The following SLC22A25 variants were observed in gnomAD, a reference collection of about 807,000 sequenced individuals.
SLC22A25 encodes solute carrier family 22 member 25.
A neutral mutation model predicts 45.9 loss-of-function variants in SLC22A25; 44 were observed. The ratio of observed to expected loss-of-function variants is 0.96; its 90% CI spans 0.75 to 1.23. The LOEUF is 1.23. Ranked by LOEUF, SLC22A25 falls within the 50% of genes most tolerant of loss-of-function variation. The pLI is 0.00. For synonymous variants in SLC22A25, 283 were observed against 238.6 expected (o/e 1.19, Z -1.72); for missense variants, 800 against 666.4 (o/e 1.20, Z -2.21).
intron 1 of SLC22A25, chr11:63,242,964 T>A (rs965474454): frequency 6.5e-6 from 1 of 154,950 alleles, no homozygotes; most frequent in Non-Finnish European, 1.4e-5. Context: ...AAACCCCCTA[T>A]TGAGCCAAAG....
At chr11:63,184,376 C>G (rs182884599) in intron 7 of SLC22A25, among the ~76,000 whole-genome samples, 1 of 152,028 alleles carries the variant, frequency 6.6e-6, no homozygotes, top group African/African-American at 2.4e-5. Flanking sequence ...AATGGATGAG[C>G]CTGACAAGGA....
chr11:63,227,872 T>G (rs2134837095), intron 5 of SLC22A25, among the ~76,000 whole-genome samples: 1 of 152,328 alleles, frequency 6.6e-6, no homozygotes, highest in Non-Finnish European at 1.5e-5. Flanking sequence ...GTCTAAATGC[T>G]TCCTTCATGA....
intron 9 of SLC22A25, among the ~76,000 whole-genome samples, chr11:63,171,128 T>C (rs1177144219): frequency 2.6e-5 from 4 of 151,944 alleles, no homozygotes; most frequent in African/African-American, 9.7e-5. Context: ...CATGGTAAAC[T>C]ACTCAATAAA....
At position 63,162,492 on chromosome 11, in the gene SLC22A25, T is replaced by G. The variant is rs1324831033; in HGVS notation, c.*1332A>C. Among the ~76,000 whole-genome samples the G allele has an allele frequency of 6.6e-6, 1 of 152,180 alleles. No individual in the cohort carries two copies. Among genetic ancestry groups the G allele is most frequent in the Non-Finnish European group, 1.5e-5 (1 of 68,028 alleles). On this transcript the variant is annotated 3_prime_UTR_variant, in exon 12 of 12. Transcript: ENST00000306494. ...ATTCTTCTGCATATGGATATCCAGT[T>G]TTGGAACTATTTTTTATGTTCTTAT...
chr11:63,194,065 T>G (rs2088913321), intron 7 of SLC22A25, among the ~76,000 whole-genome samples: 1 of 152,116 alleles, frequency 6.6e-6, no homozygotes, highest in South Asian at 2.1e-4. Flanking sequence ...AGGGTATCAG[T>G]GATTGAAGAA....
At chr11:63,178,250 G>A (rs2088189596) in intron 9 of SLC22A25, among the ~76,000 whole-genome samples, 1 of 151,782 alleles carries the variant, frequency 6.6e-6, no homozygotes, top group African/African-American at 2.4e-5. Context: ...ACCATATCTT[G>A]GCTTTTGGGA....
In SLC22A25 at chr11:63,211,987, C is replaced by A. The variant is rs1345174297; in HGVS notation, c.830+5327G>T. On this transcript the variant is annotated intron_variant, in intron 7 of 11. Coordinates refer to ENST00000306494, the MANE Select transcript of SLC22A25 (RefSeq NM_199352.6). Reference sequence around the variant, plus strand: ...AATTTACAAGAAAAAAACAAACAACCCCATCAAAAAGTGGGCGAAGGATAT... The same window carrying A: ...AATTTACAAGAAAAAAACAAACAACACCATCAAAAAGTGGGCGAAGGATAT... Among the ~76,000 whole-genome samples the A allele has an allele frequency of 3.3e-5, 5 of 151,854 alleles. 1 individual carries two copies. Among genetic ancestry groups the A allele is most frequent in the East Asian group, 3.9e-4 (2 of 5,192 alleles).
chr11:63,192,448 A>G (rs2088849904), intron 7 of SLC22A25, among the ~76,000 whole-genome samples: 1 of 152,228 alleles, frequency 6.6e-6, no homozygotes, highest in South Asian at 2.1e-4. Context: ...AAAAATGATC[A>G]GTTAGCATCA....
In SLC22A25 at chr11:63,183,775, T is replaced by C; in HGVS notation, c.873A>G (p.Lys291=). 1.2e-6 allele frequency: 2 copies of C among 1,613,202 alleles called. No homozygotes were observed. Among genetic ancestry groups the C allele is most frequent in the Non-Finnish European group, 8.5e-7 (1 of 1,179,402 alleles). The part of the protein sequence containing the change: ...ESARWLIINN[K]PEEGLKELRK... ...TAAGTTCCTTTAAGCCCTCTTCTGG[T>C]TTGTTGTTGATAATGAGCCACCGAG... Residue 291 remains lysine, a synonymous_variant, in exon 8 of 12, where the codon AAA becomes AAG. Transcript: ENST00000306494.
At chr11:63,200,298 T>G (rs111317333) in intron 7 of SLC22A25, among the ~76,000 whole-genome samples, 16 of 148,714 alleles carry the variant, frequency 1.1e-4, no homozygotes, top group African/African-American at 4.0e-4. Flanking sequence ...ATTGAAAAGC[T>G]TATCCAGCAT....
chr11:63,195,254 C>CTAA, intron 7 of SLC22A25, among the ~76,000 whole-genome samples: 1 of 152,148 alleles, frequency 6.6e-6, no homozygotes, highest in South Asian at 2.1e-4. Context: ...CCAAGTGGAC[C>CTAA]TAATAGACAT....
intron 9 of SLC22A25, among the ~76,000 whole-genome samples, chr11:63,176,971 C>T (rs1174361894): frequency 1.3e-5 from 2 of 151,886 alleles, no homozygotes; most frequent in African/African-American, 2.4e-5. Context: ...TTTTGTTTGT[C>T]TGGGAAACTC....
Position 63,164,538 on chromosome 11 carries a change from G to A in SLC22A25, c.1382C>T (p.Pro461Leu). The change falls in exon 11 of 12, where the codon CCT becomes CTT. Residue 461 changes from proline to leucine, a missense_variant. Physicochemically the swap from Pro to Leu is moderately conservative, Grantham distance 98. Coordinates refer to ENST00000306494, the MANE Select transcript of SLC22A25 (RefSeq NM_199352.6). ...CSTAQENELI[P>L]SIIRGRATGI... is the part of the protein sequence containing the mutation. ...TAAACTTTTGTACCTGATTATGGAA[G>A]GAATTAGTTCATTTTCTTGGGCAGT... 1 of 1,613,546 alleles carries A rather than the reference G, an allele frequency of 6.2e-7. No homozygotes were observed. Among genetic ancestry groups the A allele is most frequent in the African/African-American group, 1.3e-5 (1 of 75,000 alleles).
rs2087517040 is a variant in SLC22A25 at position 63,159,257 on chromosome 11, C to A, written c.*4567G>T. On this transcript the variant is annotated 3_prime_UTR_variant, in exon 12 of 12. Transcript: ENST00000306494. ...CGTCTTTGATATACTTATTTCCTTT[C>A]TTTTGGGTATATGCCTTTGATATGA... is the stretch of plus-strand genomic sequence containing the variant. 6.6e-6 allele frequency among the ~76,000 whole-genome samples: 1 copy of A among 152,106 alleles called. No individual in the cohort carries two copies. The highest frequency in any genetic ancestry group is 6.5e-5 in the Admixed American group (1 of 15,268).
intron 7 of SLC22A25, among the ~76,000 whole-genome samples, chr11:63,193,047 C>T (rs2088872799): frequency 6.6e-6 from 1 of 152,202 alleles, no homozygotes; most frequent in African/African-American, 2.4e-5. Flanking sequence ...CTCATTGCCA[C>T]ATGTCACATA....
chr11:63,182,166 C>T (rs1338951373), intron 8 of SLC22A25, among the ~76,000 whole-genome samples: 1 of 152,052 alleles, frequency 6.6e-6, no homozygotes, highest in Non-Finnish European at 1.5e-5. Context: ...ATATTAGGTA[C>T]CCATTCATGC....
intron 7 of SLC22A25, among the ~76,000 whole-genome samples, chr11:63,193,453 A>G (rs1447568533): frequency 6.6e-6 from 1 of 152,208 alleles, no homozygotes; most frequent in African/African-American, 2.4e-5. Flanking sequence ...AAGGATCAGG[A>G]AGCAACATTT....
At chr11:63,179,173 T>A (rs545073857) in intron 9 of SLC22A25, among the ~76,000 whole-genome samples, 1 of 152,072 alleles carries the variant, frequency 6.6e-6, no homozygotes, top group African/African-American at 2.4e-5. Context: ...GCCAGGCTGG[T>A]CTTGAACTCC....
At chr11:63,195,612 G>A (rs1354772690) in intron 7 of SLC22A25, among the ~76,000 whole-genome samples, 1 of 152,158 alleles carries the variant, frequency 6.6e-6, no homozygotes, top group African/African-American at 2.4e-5. Context: ...GCAGTGTGTA[G>A]AGGGAAATTT....
Sources: allele counts gnomAD v4.1 joint callset (sites outside exome capture counted in the v4.1 genomes callset), GRCh38; gene constraint gnomAD v4.1.1; transcripts MANE v1.5; gene names NCBI Gene and HGNC (gene_info 2026-07-23, HGNC 2026-07-21).